The following HS3ST5 variants were observed in gnomAD, a reference collection of about 807,000 sequenced individuals.
HS3ST5 encodes heparan sulfate glucosamine 3-O-sulfotransferase 5.
HS3ST5 carries 10 observed loss-of-function variants against 25.4 expected under a neutral mutation model. That is an observed-to-expected ratio of 0.39 (90% CI 0.24 to 0.67). The LOEUF (loss-of-function observed/expected upper bound fraction) is 0.67. Among genes scored for constraint, HS3ST5 ranks in the 30% least tolerant of loss-of-function variants. HS3ST5 has a pLI of 0.44. For missense variants in HS3ST5, 324 were observed against 420.7 expected, an observed-to-expected ratio of 0.77 and a Z score of 2.01; for synonymous variants, 170 against 162.4, an observed-to-expected ratio of 1.05 and a Z score of -0.36.
intron 3 of HS3ST5, among the ~76,000 whole-genome samples, chr6:114,148,745 T>A (rs1304556466): frequency 6.6e-6 from 1 of 152,056 alleles, no homozygotes; most frequent in African/African-American, 2.4e-5. Flanking sequence ...ACAAATAAGA[T>A]CTAATTAAAC....
intron 1 of HS3ST5, among the ~76,000 whole-genome samples, chr6:114,298,058 A>G (rs1774903953): frequency 6.6e-6 from 1 of 152,198 alleles, no homozygotes; most frequent in South Asian, 2.1e-4. Flanking sequence ...AGCATTTGAA[A>G]GTAATTGAGA....
intron 3 of HS3ST5, among the ~76,000 whole-genome samples, chr6:114,093,593 C>T (rs1775258732): frequency 6.6e-6 from 1 of 152,040 alleles, no homozygotes; most frequent in African/African-American, 2.4e-5. Flanking sequence ...GGGTTCATCT[C>T]ATCTTTCTCC....
At chr6:114,162,636 G>C (rs909305781) in intron 3 of HS3ST5, among the ~76,000 whole-genome samples, 4 of 152,170 alleles carry the variant, frequency 2.6e-5, no homozygotes, top group African/African-American at 9.7e-5. Context: ...CAAAGCCTTT[G>C]GCTGTCTGGC....
At chr6:114,080,572 G>A (rs1774393148) in intron 3 of HS3ST5, among the ~76,000 whole-genome samples, 1 of 152,150 alleles carries the variant, frequency 6.6e-6, no homozygotes, top group East Asian at 1.9e-4. Flanking sequence ...AAGAAAATGT[G>A]GTGCATATAC....
At chr6:114,169,986 A>G (rs1779400646) in intron 2 of HS3ST5, among the ~76,000 whole-genome samples, 1 of 152,200 alleles carries the variant, frequency 6.6e-6, no homozygotes, top group African/African-American at 2.4e-5. Context: ...GGAAAGCAAC[A>G]GATAAGGGAA....
intron 3 of HS3ST5, among the ~76,000 whole-genome samples, chr6:114,163,779 G>T (rs1424946993): frequency 6.6e-6 from 1 of 152,072 alleles, no homozygotes; most frequent in African/African-American, 2.4e-5. Context: ...TAATGTATCT[G>T]TCGATCATTG....
intron 1 of HS3ST5, among the ~76,000 whole-genome samples, chr6:114,337,161 T>C (rs1368520260): frequency 6.6e-6 from 1 of 152,228 alleles, no homozygotes. Flanking sequence ...AGTAATGTCC[T>C]GAGATCATCA....
At chr6:114,311,543 T>TTC (rs1775534536) in intron 1 of HS3ST5, among the ~76,000 whole-genome samples, 2 of 134,010 alleles carry the variant, frequency 1.5e-5, no homozygotes, top group Non-Finnish European at 3.2e-5. Flanking sequence ...CTCTCTCTTT[T>TTC]TTTTTTTTTT....
At chr6:114,241,842 A>G (rs2016632008) in intron 1 of HS3ST5, among the ~76,000 whole-genome samples, 1 of 152,184 alleles carries the variant, frequency 6.6e-6, no homozygotes, top group South Asian at 2.1e-4. Flanking sequence ...AAACACAAAA[A>G]TCTTCCCAAA....
At chr6:114,162,520 T>C (rs1478468582) in intron 3 of HS3ST5, among the ~76,000 whole-genome samples, 1 of 152,158 alleles carries the variant, frequency 6.6e-6, no homozygotes, top group Non-Finnish European at 1.5e-5. Flanking sequence ...TCCTGCCAGA[T>C]TAATCTTTTT....
intron 2 of HS3ST5, among the ~76,000 whole-genome samples, chr6:114,226,582 G>A (rs559677994): frequency 6.6e-6 from 1 of 151,996 alleles, no homozygotes; most frequent in Admixed American, 6.6e-5. Context: ...TTTATATGAA[G>A]AGAAAATGTG....
chr6:114,218,205 C>G (rs1781862543), intron 2 of HS3ST5, among the ~76,000 whole-genome samples: 1 of 152,140 alleles, frequency 6.6e-6, no homozygotes, highest in Non-Finnish European at 1.5e-5. Flanking sequence ...GTCATGTCGG[C>G]CAGGCTGGTC....
intron 3 of HS3ST5, among the ~76,000 whole-genome samples, chr6:114,161,173 T>A (rs1262499423): frequency 6.6e-6 from 1 of 151,938 alleles, no homozygotes; most frequent in African/African-American, 2.4e-5. Context: ...GTCAGCGATA[T>A]GAGAGGGCAG....
intron 2 of HS3ST5, among the ~76,000 whole-genome samples, chr6:114,190,845 T>C (rs1445837131): frequency 6.6e-6 from 1 of 152,218 alleles, no homozygotes. Context: ...ATGCACCATG[T>C]AGACTGAAAC....
At chr6:114,197,144 T>C (rs1354547238) in intron 2 of HS3ST5, among the ~76,000 whole-genome samples, 2 of 151,488 alleles carry the variant, frequency 1.3e-5, no homozygotes, top group Non-Finnish European at 2.9e-5. Flanking sequence ...TTTTTTTTGT[T>C]GTTTTTAATG....
intron 1 of HS3ST5, among the ~76,000 whole-genome samples, chr6:114,341,658 G>C (rs1277707053): frequency 6.6e-6 from 1 of 151,776 alleles, no homozygotes; most frequent in East Asian, 2.0e-4. Context: ...GGGTGTGGGG[G>C]GGGCCAGCTG....
chr6:114,210,430 T>C (rs1031697435), intron 2 of HS3ST5, among the ~76,000 whole-genome samples: 10 of 152,324 alleles, frequency 6.6e-5, no homozygotes, highest in Middle Eastern at 3.4e-3. Context: ...AGAAAACTGT[T>C]AGCAATTCTC....
chr6:114,208,589 C>T (rs1384401174), intron 2 of HS3ST5, among the ~76,000 whole-genome samples: 3 of 152,124 alleles, frequency 2.0e-5, no homozygotes, highest in Non-Finnish European at 4.4e-5. Context: ...AGTGTGCAAC[C>T]CACCAGGAGA....
At chr6:114,266,859 A>C (rs552283511) in intron 1 of HS3ST5, among the ~76,000 whole-genome samples, 1 of 152,372 alleles carries the variant, frequency 6.6e-6, no homozygotes, top group Non-Finnish European at 1.5e-5. Context: ...ATATTAGTTC[A>C]AAGTTCAAAT....
Sources: gnomAD v4.1 joint callset for allele counts (sites outside exome capture counted in the v4.1 genomes callset) on GRCh38, gnomAD v4.1.1 for gene constraint, MANE v1.5 for transcripts, NCBI Gene and HGNC (gene_info 2026-07-23, HGNC 2026-07-21) for gene names.